The following TUT7 variants were observed in gnomAD, a reference collection of about 807,000 sequenced individuals.
TUT7 encodes terminal uridylyl transferase 7.
TUT7 carries 33 observed loss-of-function variants against 165.9 expected under a neutral mutation model. The observed-to-expected ratio is 0.20, with a 90% CI of 0.15 to 0.27. TUT7 has a LOEUF of 0.27. TUT7 is among the 10% of genes least tolerant of loss of function. The probability of loss-of-function intolerance (pLI) is 1.00; values close to 1 mark genes in which losing one functional copy is unlikely to be tolerated. For synonymous variants in TUT7, 552 were observed against 608.1 expected (o/e 0.91, Z 1.36); for missense variants, 1,338 against 1,762.3 (o/e 0.76, Z 4.31).
At chr9:86,353,375 C>A in intron 1 of TUT7, 145 bp from the exon 2 acceptor site, 1 of 669,952 alleles carries the variant, frequency 1.5e-6, no homozygotes, top group Non-Finnish European at 2.3e-6. Flanking sequence ...CTATCACATT[C>A]TTAATAATCA....
chr9:86,319,765 C>A (rs1159929553), intron 14 of TUT7, 95 bp from the exon 15 acceptor site: 3 of 816,580 alleles, frequency 3.7e-6, no homozygotes, highest in African/African-American at 1.8e-5. Context: ...ATAAAACTTA[C>A]AAGCTTAAAT....
At chr9:86,341,667 C>T (rs534403626) in intron 6 of TUT7, among the ~76,000 whole-genome samples, 29 of 152,254 alleles carry the variant, frequency 1.9e-4, no homozygotes, top group African/African-American at 6.7e-4. Flanking sequence ...TTGAATATGC[C>T]AAACTCTTTA....
chr9:86,346,222 C>CTAATTG lies in TUT7; in HGVS notation c.702+76_702+77insCAATTA. On this transcript the variant is annotated intron_variant, in intron 3 of 26. Transcript: ENST00000375963. ...AAGTAGGATATCTAATTGATCAGAG[C>CTAATTG]ATGCATACTCAATTAACAACAAAAT... The CTAATTG allele has an allele frequency of 1.3e-5, 18 of 1,343,788 alleles. 1 individual carries two copies. In the South Asian group the frequency reaches 2.4e-4, roughly 18 times the overall value. The allele number at this position is 1,343,788 out of a possible 1,614,324, so 83.2% of individuals were successfully genotyped here. A position where few individuals can be genotyped will look rare whatever the true frequency, so the allele number is the denominator to read the frequency against.
rs1229257977 is a variant in TUT7, at chr9:86,341,026, C to G, written c.1114G>C (p.Val372Leu). The change falls in exon 7 of 27, where the codon GTT becomes CTT. Residue 372 changes from valine to leucine, a missense_variant. Physicochemically the swap from Val to Leu is conservative, Grantham distance 32. Around this residue, in one of 7 missense-constraint regions of TUT7, gnomAD observed 434 missense variants for 480.8 expected, o/e 0.90. Coordinates refer to ENST00000375963, the MANE Select transcript of TUT7 (RefSeq NM_024617.4). ...CCACTGTTCTTTAAACATTCTTGAACAAGTAAGAGGACATCTGGCTGAGAC... is the reference window on the plus strand; with the variant it reads ...CCACTGTTCTTTAAACATTCTTGAAGAAGTAAGAGGACATCTGGCTGAGAC... ...IMSQPDVLLL[V>L]QECLKNSDSF... 45 of 1,611,716 alleles carry G rather than the reference C, an allele frequency of 2.8e-5. No individual in the cohort carries two copies. The highest frequency in any genetic ancestry group is 3.8e-5 in the Non-Finnish European group (45 of 1,178,940).
chr9:86,290,686 CA>C (rs749800073), intron 26 of TUT7, among the ~76,000 whole-genome samples: 824 of 54,774 alleles, frequency 0.015, 6 homozygotes, highest in Middle Eastern at 0.045. Context: ...TACTAAAATA[CA>C]AAAAAAAAAA....
At chr9:86,351,151 T>A (rs1366108586) in intron 2 of TUT7, among the ~76,000 whole-genome samples, 8 of 117,198 alleles carry the variant, frequency 6.8e-5, no homozygotes, top group African/African-American at 2.8e-4. Flanking sequence ...AAAAAAAAAA[T>A]CAGGCTGAAT....
At chr9:86,322,605 C>A in intron 13 of TUT7, 130 bp from the exon 14 acceptor site, 1 of 1,177,704 alleles carries the variant, frequency 8.5e-7, no homozygotes, top group Non-Finnish European at 1.2e-6. Context: ...TAACATGCAT[C>A]CACTCAAATG....
At chr9:86,318,274 C>T (rs907410792) in intron 16 of TUT7, among the ~76,000 whole-genome samples, 6 of 152,170 alleles carry the variant, frequency 3.9e-5, no homozygotes, top group East Asian at 1.9e-4. Context: ...TTGCTTTGCA[C>T]GCCATATGGT....
chr9:86,308,641 T>C, intron 21 of TUT7, 35 bp from the exon 22 acceptor site: 2 of 1,527,028 alleles, frequency 1.3e-6, no homozygotes. Flanking sequence ...TACCATGGTC[T>C]TTAGTGAAGT....
In TUT7 at chr9:86,301,316, C is replaced by A; in HGVS notation, c.4380G>T (p.Gly1460=). The A allele has an allele frequency of 6.2e-7, 1 of 1,614,088 alleles. No homozygotes were observed. The highest frequency in any genetic ancestry group is 8.5e-7 in the Non-Finnish European group (1 of 1,180,004). The change falls in exon 26 of 27, where the codon GGG becomes GGT. Residue 1460 remains glycine, a synonymous_variant. Transcript: ENST00000375963. ...EKRCFICGRE[G]HIKKECPQFK... is the part of the protein sequence containing the mutation. ...ACTGTGGGCATTCCTTTTTAATGTGCCCTTCTCTTCCACAAATAAAACAAC... is the reference window on the plus strand; with the variant it reads ...ACTGTGGGCATTCCTTTTTAATGTGACCTTCTCTTCCACAAATAAAACAAC...
chr9:86,308,323 A>G lies in TUT7; in HGVS notation c.3838+106T>C, dbSNP rs1024753702. ...CTGGTATGGACAATGAGACTGGGGC[A>G]CTGCACACCCCAAGCAGCTGGAAGA... is the stretch of plus-strand genomic sequence containing the variant. On this transcript the variant is annotated intron_variant, in intron 22 of 26. Coordinates refer to ENST00000375963, the MANE Select transcript of TUT7 (RefSeq NM_024617.4). 5.0e-6 allele frequency: 5 copies of G among 1,006,072 alleles called. No homozygotes were observed. In the African/African-American group the frequency reaches 8.3e-5, roughly 17 times the overall value. 62.3% of individuals were successfully genotyped at this position (1,006,072 alleles called of 1,614,324 possible).
At chr9:86,332,363 A>G (rs1830399370) in intron 10 of TUT7, among the ~76,000 whole-genome samples, 1 of 152,228 alleles carries the variant, frequency 6.6e-6, no homozygotes, top group South Asian at 2.1e-4. Context: ...CAGCCATAAA[A>G]AAACCCAAGA....
At chr9:86,329,070 A>G (rs77974394) in intron 10 of TUT7, among the ~76,000 whole-genome samples, 5,136 of 152,284 alleles carry the variant, frequency 0.034, 293 homozygotes, top group African/African-American at 0.12. Flanking sequence ...AAATACTATT[A>G]ATTCTGGGTA....
rs769924592 is a variant in TUT7, at chr9:86,323,255, T to C, written c.2495A>G (p.His832Arg). The C allele has an allele frequency of 6.2e-7, 1 of 1,614,092 alleles. No homozygotes were observed. Among genetic ancestry groups the C allele is most frequent in the Admixed American group, 1.7e-5 (1 of 59,994 alleles). Residue 832 changes from histidine to arginine, a missense_variant, in exon 13 of 27, where the codon CAC (histidine) becomes CGC (arginine). Coordinates refer to ENST00000375963, the MANE Select transcript of TUT7 (RefSeq NM_024617.4). ...TTCTGATGTCTGGCCCTGTACTGAG[T>C]GGGTAAAGTGGTTTAGAGAGTCTTC... The part of the protein sequence containing the change: ...ELEDSLNHFT[H>R]SVQGQTSEMI...
chr9:86,339,513 G>A (rs1160579181), intron 8 of TUT7, among the ~76,000 whole-genome samples: 4 of 151,730 alleles, frequency 2.6e-5, no homozygotes, highest in African/African-American at 4.9e-5. Flanking sequence ...GCGAGACTCC[G>A]TCTCAAAAAA....
At chr9:86,289,717 A>C (rs1015922778) in intron 26 of TUT7, among the ~76,000 whole-genome samples, 4 of 152,144 alleles carry the variant, frequency 2.6e-5, no homozygotes, top group African/African-American at 9.6e-5. Context: ...AAAAAATGGC[A>C]TAAGTATATG....
chr9:86,330,729 C>T (rs1197793486), intron 10 of TUT7, among the ~76,000 whole-genome samples: 1 of 152,114 alleles, frequency 6.6e-6, no homozygotes, highest in Admixed American at 6.5e-5. Flanking sequence ...GTCTTTCACC[C>T]ATTTTGGTTT....
At chr9:86,297,354 C>G (rs755019907) in intron 26 of TUT7, among the ~76,000 whole-genome samples, 5 of 152,204 alleles carry the variant, frequency 3.3e-5, no homozygotes, top group Non-Finnish European at 7.3e-5. Context: ...CCCCTTTTTA[C>G]ACATGAGAAA....
At chr9:86,313,334 T>C (rs2131374583) in intron 17 of TUT7, among the ~76,000 whole-genome samples, 1 of 152,114 alleles carries the variant, frequency 6.6e-6, no homozygotes, top group East Asian at 1.9e-4. Context: ...TGAACTTTCA[T>C]GGTGGCATGG....
Sources: allele counts gnomAD v4.1 joint callset (sites outside exome capture counted in the v4.1 genomes callset), GRCh38; gene constraint gnomAD v4.1.1; regional missense constraint gnomAD v4.1.1; transcripts MANE v1.5; gene names NCBI Gene and HGNC (gene_info 2026-07-23, HGNC 2026-07-21).